The following PPIL2 variants were observed in gnomAD, a reference collection of about 807,000 sequenced individuals.
PPIL2 encodes the protein RING-type E3 ubiquitin-protein ligase PPIL2.
Under a neutral mutation model 75.2 loss-of-function variants are expected in PPIL2, and 50 were observed. The ratio of observed to expected loss-of-function variants is 0.66; its 90% CI spans 0.53 to 0.84. The LOEUF (loss-of-function observed/expected upper bound fraction) is 0.84. Ranked by LOEUF, PPIL2 falls within the 40% of genes least tolerant of loss-of-function variation. The probability of loss-of-function intolerance (pLI) is 0.00; values close to 1 mark genes in which losing one functional copy is unlikely to be tolerated. For synonymous variants in PPIL2, 245 were observed against 258.8 expected (o/e 0.95, Z 0.51); for missense variants, 590 against 685.0 (o/e 0.86, Z 1.55).
intron 15 of PPIL2, among the ~76,000 whole-genome samples, chr22:21,692,363 C>CCG (rs2067698035): frequency 2.0e-5 from 3 of 151,244 alleles, no homozygotes; most frequent in Admixed American, 1.3e-4. Flanking sequence ...ACCGTGTTAG[C>CCG]GAGGATGGTC....
intron 9 of PPIL2, 107 bp from the exon 10 acceptor site, chr22:21,684,646 G>A: frequency 1.4e-6 from 2 of 1,403,822 alleles, no homozygotes; most frequent in Non-Finnish European, 1.9e-6. Context: ...CACGGTGCCT[G>A]CGCCATGGCT....
chr22:21,682,221 T>C (rs1035462780), intron 7 of PPIL2, among the ~76,000 whole-genome samples: 2 of 152,194 alleles, frequency 1.3e-5, no homozygotes, highest in African/African-American at 4.8e-5. Flanking sequence ...GGAAGGTTGC[T>C]GCGAGGGTGA....
chr22:21,692,966 G>A (rs861821), intron 15 of PPIL2, among the ~76,000 whole-genome samples: 20,809 of 151,294 alleles, frequency 0.14, 1,570 homozygotes, highest in Non-Finnish European at 0.16. Context: ...GGTAGTCTCT[G>A]CCTTCCTCCC....
In PPIL2 at chr22:21,696,523, C is replaced by G; in HGVS notation, c.*1033C>G. ...TAAAGAAAGACCCCTCCCTCAACCC[C>G]CATTTTTCTGTTAAATGTGCCCCTG... On this transcript the variant is annotated 3_prime_UTR_variant, in exon 20 of 20. Coordinates refer to ENST00000398831, the MANE Select transcript of PPIL2 (RefSeq NM_014337.4). 7.6e-7 allele frequency: 1 copy of G among 1,320,928 alleles called. No homozygotes were observed. Among genetic ancestry groups the G allele is most frequent in the East Asian group, 3.5e-5 (1 of 28,648 alleles). 81.8% of individuals were successfully genotyped at this position (1,320,928 alleles called of 1,614,324 possible).
chr22:21,682,110 C>T, intron 7 of PPIL2, among the ~76,000 whole-genome samples: 1 of 152,248 alleles, frequency 6.6e-6, no homozygotes, highest in East Asian at 1.9e-4. Context: ...GGCCTGGCAC[C>T]ATACCTGTGC....
rs762892966 is a variant in PPIL2 at position 21,686,453 on chromosome 22, G to A, written c.715-30G>A. ...CCACCCAACTGCCTCCCATGGCACT[G>A]CTGAGGTGCCACCCTGGTTTCCTTG... On this transcript the variant is annotated intron_variant, in intron 10 of 19. Coordinates refer to ENST00000398831, the MANE Select transcript of PPIL2 (RefSeq NM_014337.4). The A allele has an allele frequency of 1.7e-5, 27 of 1,604,178 alleles. No homozygotes were observed. In the East Asian group the frequency reaches 6.0e-4, roughly 36 times the overall value.
In PPIL2 at chr22:21,684,773, G is replaced by C. The variant is rs1023665175; in HGVS notation, c.574G>C (p.Asp192His). Residue 192 changes from aspartate to histidine, a missense_variant, in exon 10 of 20, where the codon GAC becomes CAC. Coordinates refer to ENST00000398831, the MANE Select transcript of PPIL2 (RefSeq NM_014337.4). ...TGTAGATGAAGAGAAGGCCAAACAG[G>C]ACCCGTCTTATTATCTGAAAAATAC... The part of the protein sequence containing the change: ...IDPDEEKAKQ[D>H]PSYYLKNTNA... The C allele has an allele frequency of 6.2e-7, 1 of 1,614,070 alleles. No individual in the cohort carries two copies. The highest frequency in any genetic ancestry group is 1.3e-5 in the African/African-American group (1 of 75,034).
intron 1 of PPIL2, 21 bp downstream of exon 1, chr22:21,666,152 G>C: frequency 6.2e-7 from 1 of 1,607,964 alleles, no homozygotes; most frequent in Non-Finnish European, 8.5e-7. Context: ...CCGCAGTCGG[G>C]AGCGGCGCTC....
chr22:21,696,782 C>T lies in PPIL2; in HGVS notation c.*1292C>T. 3 of 1,547,640 alleles carry T rather than the reference C, an allele frequency of 1.9e-6. No individual in the cohort carries two copies. The highest frequency in any genetic ancestry group is 8.7e-7 in the Non-Finnish European group (1 of 1,147,200). ...GCTGTACCTCTGCCCTTCCTTTTCT[C>T]ATCAATCACTGATGCTGAAGCTGCA... On this transcript the variant is annotated 3_prime_UTR_variant, in exon 20 of 20. Transcript: ENST00000398831.
At chr22:21,687,962 G>A (rs1012150205) in intron 13 of PPIL2, 111 bp from the exon 14 acceptor site, 1 of 1,409,258 alleles carries the variant, frequency 7.1e-7, no homozygotes, top group Non-Finnish European at 1.0e-6. Flanking sequence ...TTATCACCAA[G>A]AGCCCAGCCC....
At chr22:21,672,062 A>C (rs1253746407) in intron 4 of PPIL2, among the ~76,000 whole-genome samples, 3 of 152,100 alleles carry the variant, frequency 2.0e-5, no homozygotes, top group African/African-American at 7.2e-5. Context: ...AAGAAAAAAA[A>C]CCCAAACCAT....
At position 21,669,625 on chromosome 22, in the gene PPIL2, G is replaced by C. The variant is rs201642349; in HGVS notation, c.33-288G>C. On this transcript the variant is annotated intron_variant, in intron 1 of 19. Coordinates refer to ENST00000398831, the MANE Select transcript of PPIL2 (RefSeq NM_014337.4). ...AAGCAATTCTCTGCTTCAGCCTCCCGAGTAGCTGGGATTACAGGCACCCAC... is the reference window on the plus strand; with the variant it reads ...AAGCAATTCTCTGCTTCAGCCTCCCCAGTAGCTGGGATTACAGGCACCCAC... Among the ~76,000 whole-genome samples, 30 of 152,194 alleles carry C rather than the reference G, an allele frequency of 2.0e-4. No individual in the cohort carries two copies. The East Asian group carries it at 4.8e-3, about 25-fold the overall frequency.
At position 21,695,885 on chromosome 22, in the gene PPIL2, G is replaced by C. The variant is rs1338762440; in HGVS notation, c.*395G>C. 9 of 1,043,436 alleles carry C rather than the reference G, an allele frequency of 8.6e-6. No individual in the cohort carries two copies. Among genetic ancestry groups the C allele is most frequent in the Non-Finnish European group, 1.1e-5 (9 of 855,968 alleles). 64.6% of individuals were successfully genotyped at this position (1,043,436 alleles called of 1,614,324 possible). On this transcript the variant is annotated 3_prime_UTR_variant, in exon 20 of 20. Transcript: ENST00000398831. ...TGCCCAGGCTCCAGTGCAGTGGTGT[G>C]ATCATGGCTCACTGCAGCCTCGACC...
intron 19 of PPIL2, 91 bp from the exon 20 acceptor site, chr22:21,695,303 G>A: frequency 6.9e-7 from 1 of 1,443,092 alleles, no homozygotes; most frequent in South Asian, 1.3e-5. Context: ...GGAGGGGTTG[G>A]GCCTACACCG....
intron 15 of PPIL2, 37 bp from the exon 16 acceptor site, chr22:21,693,779 G>T: frequency 1.3e-6 from 2 of 1,521,716 alleles, no homozygotes; most frequent in East Asian, 2.3e-5. Flanking sequence ...TGCAGAAGGT[G>T]CCATGCTCTC....
At chr22:21,691,521 A>T (rs2067633736) in intron 15 of PPIL2, among the ~76,000 whole-genome samples, 1 of 152,008 alleles carries the variant, frequency 6.6e-6, no homozygotes, top group African/African-American at 2.4e-5. Context: ...TCTACTAAAA[A>T]TACAGAAAAC....
chr22:21,694,496 C>CG, intron 16 of PPIL2, 97 bp from the exon 17 acceptor site: 2 of 1,384,812 alleles, frequency 1.4e-6, no homozygotes, highest in Non-Finnish European at 2.0e-6. Context: ...AGGCCAGCCT[C>CG]GGGGCTCTCA....
intron 15 of PPIL2, among the ~76,000 whole-genome samples, chr22:21,691,683 G>A (rs1374952247): frequency 2.1e-5 from 3 of 143,610 alleles, no homozygotes; most frequent in East Asian, 2.1e-4. Context: ...GCGAGACTCC[G>A]TCTCCAAAAA....
intron 1 of PPIL2, 26 bp downstream of exon 1, chr22:21,666,157 G>A: frequency 6.2e-7 from 1 of 1,604,536 alleles, no homozygotes; most frequent in Non-Finnish European, 8.5e-7. Flanking sequence ...GTCGGGAGCG[G>A]CGCTCCACTC....
Sources: allele counts gnomAD v4.1 joint callset (sites outside exome capture counted in the v4.1 genomes callset), GRCh38; gene constraint gnomAD v4.1.1; transcripts MANE v1.5; gene names NCBI Gene and HGNC (gene_info 2026-07-23, HGNC 2026-07-21).